COP1: variants seen among roughly 807,000 people sequenced by gnomAD.
COP1 encodes the protein COP1 E3 ubiquitin ligase, also known as E3 ubiquitin-protein ligase COP1.
In COP1, 24 loss-of-function variants were observed where a neutral mutation model predicts 101.3. That is an observed-to-expected ratio of 0.24 (90% CI 0.17 to 0.33). The LOEUF is 0.33. COP1 is among the 10% of genes least tolerant of loss of function. The pLI is 1.00. For synonymous variants in COP1, 347 were observed against 341.9 expected, an observed-to-expected ratio of 1.01 and a Z score of -0.17; for missense variants, 663 against 906.2, an observed-to-expected ratio of 0.73 and a Z score of 3.45.
chr1:176,007,660 G>T (rs995931247), intron 15 of COP1, among the ~76,000 whole-genome samples: 1 of 152,018 alleles, frequency 6.6e-6, no homozygotes, highest in African/African-American at 2.4e-5. Context: ...CTGCTCAGGG[G>T]TCAGGGGTCA....
At chr1:176,185,784 A>G (rs1379458809) in intron 1 of COP1, among the ~76,000 whole-genome samples, 1 of 152,196 alleles carries the variant, frequency 6.6e-6, no homozygotes, top group Admixed American at 6.5e-5. Flanking sequence ...TTCACATTAC[A>G]TGAGAAGGTA....
chr1:176,009,455 A>T (rs562385299), intron 15 of COP1, among the ~76,000 whole-genome samples: 30 of 152,338 alleles, frequency 2.0e-4, no homozygotes, highest in Admixed American at 1.5e-3. Context: ...AAGGGGTGTA[A>T]TATGTGAAAG....
At chr1:176,162,090 G>A (rs1694423593) in intron 5 of COP1, among the ~76,000 whole-genome samples, 2 of 152,174 alleles carry the variant, frequency 1.3e-5, no homozygotes, top group African/African-American at 4.8e-5. Flanking sequence ...GGCATAAGGG[G>A]CACAAAAGAA....
intron 18 of COP1, among the ~76,000 whole-genome samples, chr1:175,980,042 T>C (rs754726471): frequency 3.9e-5 from 6 of 152,142 alleles, no homozygotes; most frequent in Non-Finnish European, 8.8e-5. Flanking sequence ...TTCCAAACAC[T>C]TTATGTGCAT....
chr1:176,174,768 C>T (rs1159310532), intron 3 of COP1, among the ~76,000 whole-genome samples: 1 of 152,296 alleles, frequency 6.6e-6, no homozygotes, highest in Non-Finnish European at 1.5e-5. Context: ...TAACTCTGAG[C>T]ATATTAGTCT....
intron 5 of COP1, among the ~76,000 whole-genome samples, chr1:176,154,445 A>C (rs903702037): frequency 4.6e-5 from 7 of 151,692 alleles, no homozygotes; most frequent in African/African-American, 1.7e-4. Flanking sequence ...ACACGATAGA[A>C]TGCTATGCAG....
At chr1:176,142,767 A>C (rs1271513761) in intron 6 of COP1, among the ~76,000 whole-genome samples, 1 of 152,074 alleles carries the variant, frequency 6.6e-6, no homozygotes, top group Non-Finnish European at 1.5e-5. Context: ...TTTGTTTCTA[A>C]ATAAGCCACA....
At position 175,998,370 on chromosome 1, in the gene COP1, A is replaced by G. The variant is rs1003231264; in HGVS notation, c.1730-8891T>C. On this transcript the variant is annotated intron_variant, in intron 15 of 19. Coordinates refer to ENST00000367669, the MANE Select transcript of COP1 (RefSeq NM_022457.7). ...AGATATACCTAATGCTAAATGACGA[A>G]TTAATGGATGCAGCACACCAGCATG... Among the ~76,000 whole-genome samples the G allele has an allele frequency of 2.6e-3, 387 of 151,136 alleles. 2 individuals carry two copies. Among genetic ancestry groups the G allele is most frequent in the African/African-American group, 9.0e-3 (369 of 41,174 alleles).
intron 15 of COP1, among the ~76,000 whole-genome samples, chr1:176,012,285 C>T (rs1664822595): frequency 6.6e-6 from 1 of 152,158 alleles, no homozygotes; most frequent in Admixed American, 6.5e-5. Context: ...AGGTGTGCAC[C>T]ACCATGCTCC....
At chr1:176,134,174 AC>A (rs915097382) in intron 8 of COP1, among the ~76,000 whole-genome samples, 2 of 152,008 alleles carry the variant, frequency 1.3e-5, no homozygotes, top group African/African-American at 4.8e-5. Context: ...ATTATAATCT[AC>A]CATAGTAGAA....
At chr1:176,004,701 C>T (rs1302429697) in intron 15 of COP1, among the ~76,000 whole-genome samples, 1 of 149,470 alleles carries the variant, frequency 6.7e-6, no homozygotes, top group South Asian at 2.2e-4. Flanking sequence ...AGGGATGAAG[C>T]CCACTTGATC....
At chr1:175,998,507 C>G (rs1660843253) in intron 15 of COP1, among the ~76,000 whole-genome samples, 1 of 150,682 alleles carries the variant, frequency 6.6e-6, no homozygotes, top group Admixed American at 6.6e-5. Flanking sequence ...AAAAATAGAA[C>G]CATGGATTAA....
intron 18 of COP1, among the ~76,000 whole-genome samples, chr1:175,965,453 T>C (rs918793059): frequency 6.6e-6 from 1 of 152,224 alleles, no homozygotes; most frequent in Non-Finnish European, 1.5e-5. Context: ...GGGCCACTGT[T>C]GATTTCCTGA....
At chr1:176,110,890 A>T (rs1396121746) in intron 9 of COP1, among the ~76,000 whole-genome samples, 1 of 152,212 alleles carries the variant, frequency 6.6e-6, no homozygotes, top group Admixed American at 6.5e-5. Context: ...GCAGTGGCTC[A>T]TGCCTGTAAT....
intron 11 of COP1, among the ~76,000 whole-genome samples, chr1:176,050,233 A>T (rs1672304310): frequency 6.6e-6 from 1 of 152,240 alleles, no homozygotes; most frequent in Non-Finnish European, 1.5e-5. Flanking sequence ...GCTGTAGGAA[A>T]CTAGCTGTAT....
intron 11 of COP1, among the ~76,000 whole-genome samples, chr1:176,050,193 T>C (rs558700710): frequency 3.3e-5 from 5 of 152,350 alleles, no homozygotes; most frequent in African/African-American, 1.2e-4. Flanking sequence ...AAAAGAGTGA[T>C]TTATATCAAC....
intron 15 of COP1, among the ~76,000 whole-genome samples, chr1:175,999,842 G>A (rs888823008): frequency 2.6e-5 from 4 of 152,002 alleles, no homozygotes; most frequent in African/African-American, 7.2e-5. Flanking sequence ...GCCATGATTT[G>A]CATTTCTGAT....
At chr1:176,004,040 G>C (rs1301464421) in intron 15 of COP1, among the ~76,000 whole-genome samples, 3 of 146,298 alleles carry the variant, frequency 2.1e-5, no homozygotes, top group Non-Finnish European at 3.0e-5. Flanking sequence ...GCAGTGGTTT[G>C]TAGTTCTCCT....
intron 13 of COP1, 104 bp downstream of exon 13, chr1:176,043,606 A>T (rs1291650509): frequency 1.3e-6 from 1 of 742,892 alleles, no homozygotes; most frequent in East Asian, 2.5e-5. Context: ...AAAAAATACT[A>T]AATAGTGACT....
Sources: gnomAD v4.1 joint callset for allele counts (sites outside exome capture counted in the v4.1 genomes callset) on GRCh38, gnomAD v4.1.1 for gene constraint, MANE v1.5 for transcripts, NCBI Gene and HGNC (gene_info 2026-07-23, HGNC 2026-07-21) for gene names.